Variants in IPMK observed in about 807,000 individuals in gnomAD.
The protein encoded by IPMK is inositol 1,3,4,6-tetrakisphosphate 5-kinase.
Under a neutral mutation model 45.8 loss-of-function variants are expected in IPMK, and 17 were observed. That is an observed-to-expected ratio of 0.37 (90% confidence interval 0.25 to 0.56). IPMK has a LOEUF of 0.56. Among genes scored for constraint, IPMK ranks in the 20% least tolerant of loss-of-function variants. The pLI, the probability that IPMK is intolerant of heterozygous loss-of-function variation, is 0.79. For synonymous variants in IPMK, 180 were observed against 184.3 expected (o/e 0.98, Z 0.19); for missense variants, 399 against 498.0 (o/e 0.80, Z 1.89).
At chr10:58,227,531 T>C (rs1838437155) in intron 2 of IPMK, among the ~76,000 whole-genome samples, 1 of 152,206 alleles carries the variant, frequency 6.6e-6, no homozygotes, top group Non-Finnish European at 1.5e-5. Flanking sequence ...AAACTTCCAT[T>C]ATTCCAGATA....
intron 3 of IPMK, among the ~76,000 whole-genome samples, chr10:58,220,312 A>C (rs1838312641): frequency 6.6e-6 from 1 of 152,046 alleles, no homozygotes; most frequent in Non-Finnish European, 1.5e-5. Context: ...CCCATCTTAG[A>C]CTCAGATGCA....
At chr10:58,253,852 G>A (rs1838923491) in intron 1 of IPMK, among the ~76,000 whole-genome samples, 1 of 151,804 alleles carries the variant, frequency 6.6e-6, no homozygotes, top group South Asian at 2.1e-4. Flanking sequence ...TTCGAATATA[G>A]CACTCCAGTC....
At chr10:58,267,328 T>G in intron 1 of IPMK, 94 bp downstream of exon 1, 1 of 1,281,556 alleles carries the variant, frequency 7.8e-7, no homozygotes, top group Non-Finnish European at 1.1e-6. Context: ...CAGGGGGGCG[T>G]CCAGGCAGGC....
In IPMK at chr10:58,267,562, G is replaced by A. The variant is rs1342562308; in HGVS notation, c.50C>T (p.Pro17Leu). 3 of 1,608,998 alleles carry A rather than the reference G, an allele frequency of 1.9e-6. No homozygotes were observed. The highest frequency in any genetic ancestry group is 2.5e-6 in the Non-Finnish European group (3 of 1,177,878). ...GATCGCCGGTGAGGTCCGCATTTCTGGGGGGCCCGGCGCCTCGACCCGGAG... is the reference window on the plus strand; with the variant it reads ...GATCGCCGGTGAGGTCCGCATTTCTAGGGGGCCCGGCGCCTCGACCCGGAG... ...SPLRVEAPGP[P>L]EMRTSPAIES... is the part of the protein sequence containing the mutation. The change falls in exon 1 of 6, where the codon CCA becomes CTA. Residue 17 changes from proline to leucine, a missense_variant. Coordinates refer to ENST00000373935, the MANE Select transcript of IPMK (RefSeq NM_152230.5).
chr10:58,223,247 G>A (rs1178857407), intron 3 of IPMK, among the ~76,000 whole-genome samples: 3 of 151,960 alleles, frequency 2.0e-5, no homozygotes, highest in Non-Finnish European at 2.9e-5. Context: ...TATCTTAAAC[G>A]TAAGTTAAAT....
At chr10:58,247,096 C>G (rs1037329729) in intron 1 of IPMK, among the ~76,000 whole-genome samples, 2 of 150,390 alleles carry the variant, frequency 1.3e-5, no homozygotes, top group Non-Finnish European at 2.9e-5. Flanking sequence ...AAATCAAAAC[C>G]ACAATGAGAG....
chr10:58,267,478 C>T lies in IPMK; in HGVS notation c.134G>A (p.Gly45Asp), dbSNP rs1447282760. The change falls in exon 1 of 6, where the codon GGC becomes GAC. Residue 45 changes from glycine to aspartate, a missense_variant. Around this residue, in one of 2 missense-constraint regions of IPMK, gnomAD observed 111 missense variants for 99.9 expected, o/e 1.11. Transcript: ENST00000373935. ...PAGGRLRFLN[G>D]CVPLSHQVAG... Reference sequence around the variant, plus strand: ...CACCTGATGCGAGAGGGGCACGCAGCCGTTGAGGAAGCGGAGTCTGCCGCC... The same window carrying T: ...CACCTGATGCGAGAGGGGCACGCAGTCGTTGAGGAAGCGGAGTCTGCCGCC... The T allele has an allele frequency of 1.2e-6, 2 of 1,613,712 alleles. No individual in the cohort carries two copies. Among genetic ancestry groups the T allele is most frequent in the African/African-American group, 2.7e-5 (2 of 74,942 alleles).
intron 3 of IPMK, among the ~76,000 whole-genome samples, chr10:58,220,804 T>C (rs1325049065): frequency 6.6e-6 from 1 of 152,204 alleles, no homozygotes; most frequent in Non-Finnish European, 1.5e-5. Context: ...CTTAGCATAA[T>C]TGCTGCTACG....
chr10:58,227,258 T>C (rs1588960709), intron 2 of IPMK, 119 bp from the exon 3 acceptor site: 1 of 721,934 alleles, frequency 1.4e-6, no homozygotes, highest in South Asian at 2.0e-5. Flanking sequence ...CAATTGCAAG[T>C]AAATTTGGAA....
intron 2 of IPMK, among the ~76,000 whole-genome samples, chr10:58,227,934 T>C (rs1302348166): frequency 6.6e-6 from 1 of 152,058 alleles, no homozygotes; most frequent in Non-Finnish European, 1.5e-5. Flanking sequence ...TACGAAAACT[T>C]AGTATTAGAA....
intron 1 of IPMK, among the ~76,000 whole-genome samples, chr10:58,264,511 T>C (rs905498427): frequency 3.3e-5 from 5 of 152,204 alleles, no homozygotes; most frequent in Non-Finnish European, 7.3e-5. Flanking sequence ...TAAGGACTTT[T>C]TAAAGAACTT....
At chr10:58,259,387 G>A (rs1158946621) in intron 1 of IPMK, among the ~76,000 whole-genome samples, 1 of 151,976 alleles carries the variant, frequency 6.6e-6, no homozygotes, top group African/African-American at 2.4e-5. Context: ...GCTCAAATCT[G>A]AGACAACCAT....
chr10:58,228,339 ATGTG>A (rs146496743), intron 2 of IPMK, among the ~76,000 whole-genome samples: 10,136 of 152,262 alleles, frequency 0.067, 410 homozygotes, highest in Non-Finnish European at 0.089. Flanking sequence ...TAAGATACAT[ATGTG>A]TGTATCATCT....
At chr10:58,207,507 G>A (rs1226163376) in intron 4 of IPMK, among the ~76,000 whole-genome samples, 4 of 152,180 alleles carry the variant, frequency 2.6e-5, no homozygotes, top group Admixed American at 6.5e-5. Context: ...ATTCCCACCA[G>A]CAGTGTAAAA....
intron 1 of IPMK, among the ~76,000 whole-genome samples, chr10:58,239,865 C>T (rs904459366): frequency 6.6e-6 from 1 of 152,106 alleles, no homozygotes; most frequent in African/African-American, 2.4e-5. Context: ...GAGACTGCAG[C>T]CTAGCACTAG....
chr10:58,225,771 T>A (rs756866468), intron 3 of IPMK, among the ~76,000 whole-genome samples: 4 of 152,136 alleles, frequency 2.6e-5, no homozygotes, highest in Admixed American at 1.3e-4. Context: ...CTAGATACTG[T>A]ACCTTCTCCT....
intron 4 of IPMK, among the ~76,000 whole-genome samples, chr10:58,210,039 A>G (rs979219302): frequency 2.6e-5 from 4 of 151,622 alleles, no homozygotes; most frequent in African/African-American, 9.7e-5. Flanking sequence ...GTAGAGAAAA[A>G]CCATCAGGTG....
At chr10:58,254,011 G>A (rs1374561736) in intron 1 of IPMK, among the ~76,000 whole-genome samples, 1 of 152,066 alleles carries the variant, frequency 6.6e-6, no homozygotes, top group Non-Finnish European at 1.5e-5. Context: ...GTGCCTTGGG[G>A]AATTCCCTCT....
At chr10:58,210,049 G>A (rs58351785) in intron 4 of IPMK, among the ~76,000 whole-genome samples, 12,874 of 152,160 alleles carry the variant, frequency 0.085, 785 homozygotes, top group African/African-American at 0.17. Context: ...ACCATCAGGT[G>A]GGGGCAGGGT....
Sources: allele counts gnomAD v4.1 joint callset (sites outside exome capture counted in the v4.1 genomes callset), GRCh38; gene constraint gnomAD v4.1.1; regional missense constraint gnomAD v4.1.1; transcripts MANE v1.5; gene names NCBI Gene and HGNC (gene_info 2026-07-23, HGNC 2026-07-21).